TRPM3: variants seen among roughly 807,000 people sequenced by gnomAD.
TRPM3 encodes long transient receptor potential channel 3.
A neutral mutation model predicts 181.2 loss-of-function variants in TRPM3; 77 were observed. That is an observed-to-expected ratio of 0.42 (90% CI 0.35 to 0.51). TRPM3 has a LOEUF of 0.51. Among genes scored for constraint, TRPM3 ranks in the 20% least tolerant of loss-of-function variants. The pLI is 0.01. For synonymous variants in TRPM3, 745 were observed against 796.4 expected (o/e 0.94, Z 1.09); for missense variants, 1,759 against 2,196.7 (o/e 0.80, Z 3.98).
At chr9:71,083,278 A>G (rs1381570572) in intron 1 of TRPM3, among the ~76,000 whole-genome samples, 2 of 152,110 alleles carry the variant, frequency 1.3e-5, no homozygotes. Flanking sequence ...ACCCTGGATG[A>G]TTTACAGACA....
At chr9:70,764,958 TAA>T (rs1220395324) in intron 7 of TRPM3, among the ~76,000 whole-genome samples, 1 of 152,186 alleles carries the variant, frequency 6.6e-6, no homozygotes, top group African/African-American at 2.4e-5. Flanking sequence ...TTGTTTTAAA[TAA>T]GATCCCACAA....
upstream of TRPM3, among the ~76,000 whole-genome samples, chr9:71,122,673 A>C (rs937610091): frequency 5.3e-5 from 8 of 152,192 alleles, no homozygotes; most frequent in Non-Finnish European, 8.8e-5. Flanking sequence ...CAGAACCGGG[A>C]CAACACAGGC....
At chr9:71,104,315 T>G (rs376807966) in intron 1 of TRPM3, among the ~76,000 whole-genome samples, 7 of 152,216 alleles carry the variant, frequency 4.6e-5, no homozygotes, top group African/African-American at 1.4e-4. Flanking sequence ...TAACTTCAGA[T>G]AGTTAAATGT....
At chr9:71,325,271 A>G (rs147287554) in intron 1 of TRPM3, among the ~76,000 whole-genome samples, 1,874 of 152,298 alleles carry the variant, frequency 0.012, 22 homozygotes, top group Middle Eastern at 0.061. Flanking sequence ...AATCGGACAA[A>G]TATCAACCAA....
intron 1 of TRPM3, among the ~76,000 whole-genome samples, chr9:70,989,788 C>T (rs561184061): frequency 1.3e-5 from 2 of 152,246 alleles, no homozygotes; most frequent in East Asian, 1.9e-4. Context: ...TCTCTAGGCT[C>T]AATTAAGTTA....
intron 1 of TRPM3, among the ~76,000 whole-genome samples, chr9:71,282,812 G>T (rs1243994626): frequency 6.6e-6 from 1 of 152,128 alleles, no homozygotes; most frequent in South Asian, 2.1e-4. Context: ...GATGTGACTA[G>T]ATATCTTTAA....
chr9:71,264,735 A>G (rs935931179), intron 1 of TRPM3, among the ~76,000 whole-genome samples: 1 of 152,150 alleles, frequency 6.6e-6, no homozygotes, highest in Non-Finnish European at 1.5e-5. Context: ...CTGAGTGAGA[A>G]TCTAGACAGG....
At chr9:71,442,389 A>C (rs948398549) in intron 1 of TRPM3, among the ~76,000 whole-genome samples, 3 of 152,198 alleles carry the variant, frequency 2.0e-5, no homozygotes, top group Non-Finnish European at 4.4e-5. Flanking sequence ...CTATTTGAAA[A>C]CAAGCTTTTA....
upstream of TRPM3, among the ~76,000 whole-genome samples, chr9:71,125,713 A>G (rs2134423927): frequency 6.6e-6 from 1 of 152,322 alleles, no homozygotes; most frequent in South Asian, 2.1e-4. Context: ...ACATACCACT[A>G]ATGGGATTGT....
chr9:70,835,525 C>T (rs1395172412), intron 5 of TRPM3, among the ~76,000 whole-genome samples: 1 of 151,904 alleles, frequency 6.6e-6, no homozygotes, highest in Non-Finnish European at 1.5e-5. Flanking sequence ...GTTCTGGTTT[C>T]TGTTCCATTG....
chr9:70,545,825 G>C (rs2044728502), intron 25 of TRPM3, among the ~76,000 whole-genome samples: 1 of 152,136 alleles, frequency 6.6e-6, no homozygotes, highest in African/African-American at 2.4e-5. Flanking sequence ...TGGGGTTACA[G>C]GTGTGAACCA....
chr9:71,350,876 G>A (rs948799930), intron 1 of TRPM3, among the ~76,000 whole-genome samples: 4 of 152,178 alleles, frequency 2.6e-5, no homozygotes, highest in Admixed American at 1.3e-4. Flanking sequence ...AACTGGTGTG[G>A]AAGATATTTT....
intron 1 of TRPM3, among the ~76,000 whole-genome samples, chr9:71,287,301 G>A (rs1257408149): frequency 6.6e-6 from 1 of 151,714 alleles, no homozygotes; most frequent in Admixed American, 6.6e-5. Flanking sequence ...AAATAGAATA[G>A]TTCACAGGAG....
intron 1 of TRPM3, among the ~76,000 whole-genome samples, chr9:71,189,952 A>T (rs1369806494): frequency 6.6e-6 from 1 of 151,940 alleles, no homozygotes; most frequent in East Asian, 1.9e-4. Context: ...ATAAAAATTT[A>T]TCTGCAGCCT....
intron 6 of TRPM3, among the ~76,000 whole-genome samples, chr9:70,786,311 C>CAAAAAAAAAAAAAAAA (rs71367227): frequency 9.9e-4 from 54 of 54,446 alleles, no homozygotes; most frequent in Admixed American, 1.3e-3. Context: ...CTAAAAATAC[C>CAAAAAAAAAAAAAAAA]AAAAAAAAAA....
At chr9:71,146,193 T>G (rs1354459481) in intron 1 of TRPM3, among the ~76,000 whole-genome samples, 3 of 152,188 alleles carry the variant, frequency 2.0e-5, no homozygotes, top group Non-Finnish European at 4.4e-5. Context: ...GTTTTTAATG[T>G]GGGTACACAA....
intron 1 of TRPM3, among the ~76,000 whole-genome samples, chr9:71,016,651 C>T (rs2097787684): frequency 6.6e-6 from 1 of 152,048 alleles, no homozygotes; most frequent in South Asian, 2.1e-4. Context: ...TTTTGTTTAT[C>T]CATTTATCTG....
intron 16 of TRPM3, among the ~76,000 whole-genome samples, chr9:70,619,501 C>A (rs931255733): frequency 6.9e-6 from 1 of 145,290 alleles, no homozygotes; most frequent in African/African-American, 2.5e-5. Flanking sequence ...GCAGCCTTGA[C>A]CCCCTGGGCT....
chr9:70,631,860 T>C (rs2065917498), intron 12 of TRPM3, among the ~76,000 whole-genome samples: 2 of 152,184 alleles, frequency 1.3e-5, no homozygotes, highest in African/African-American at 4.8e-5. Context: ...AGAGGTAAAC[T>C]GGAGATGTCA....
Sources: gnomAD v4.1 joint callset for allele counts (sites outside exome capture counted in the v4.1 genomes callset) on GRCh38, gnomAD v4.1.1 for gene constraint, MANE v1.5 for transcripts, NCBI Gene and HGNC (gene_info 2026-07-23, HGNC 2026-07-21) for gene names.